NFIA: variants seen among roughly 807,000 people sequenced by gnomAD.
NFIA encodes nuclear factor 1 A-type.
In NFIA, 8 loss-of-function variants were observed where a neutral mutation model predicts 62.8. The ratio of observed to expected loss-of-function variants is 0.13; its 90% CI spans 0.07 to 0.23. The LOEUF (loss-of-function observed/expected upper bound fraction) is 0.23. NFIA is among the 10% of genes least tolerant of loss of function. The probability of loss-of-function intolerance (pLI) is 1.00; values close to 1 mark genes in which losing one functional copy is unlikely to be tolerated. For missense variants in NFIA, 410 were observed against 642.1 expected (o/e 0.64, Z 3.91); for synonymous variants, 235 against 238.1 (o/e 0.99, Z 0.12).
At chr1:61,187,830 C>T (rs528950900) in intron 2 of NFIA, among the ~76,000 whole-genome samples, 2 of 152,308 alleles carry the variant, frequency 1.3e-5, no homozygotes, top group South Asian at 2.1e-4. Flanking sequence ...ATCACAGCCC[C>T]ATCTCCATTT....
Position 61,396,611 on chromosome 1 carries a change from C to T in NFIA, c.1076-7493C>T, listed in dbSNP as rs1003153255. ...ATAAGCAAACTCCCAATAACTAACACGATGGGACTTTCAAGGGAAATGATA... is the reference window on the plus strand; with the variant it reads ...ATAAGCAAACTCCCAATAACTAACATGATGGGACTTTCAAGGGAAATGATA... On this transcript the variant is annotated intron_variant, in intron 7 of 10. Transcript: ENST00000403491. 1.1e-4 allele frequency among the ~76,000 whole-genome samples: 16 copies of T among 152,124 alleles called. No individual in the cohort carries two copies. In the East Asian group the frequency reaches 2.3e-3, roughly 22 times the overall value.
chr1:61,432,173 T>C (rs999651478), intron 10 of NFIA, among the ~76,000 whole-genome samples: 1 of 151,880 alleles, frequency 6.6e-6, no homozygotes, highest in African/African-American at 2.4e-5. Flanking sequence ...GTCCTTGTCC[T>C]TGTCTAGCTT....
At chr1:61,082,467 G>A (rs1486282957), upstream of NFIA, 1 of 1,065,064 alleles carries the variant, frequency 9.4e-7, no homozygotes, top group East Asian at 8.5e-5. Flanking sequence ...GCGGGCACCC[G>A]GCCGGGCCGG....
At chr1:61,433,168 C>CT (rs1236210329) in intron 10 of NFIA, among the ~76,000 whole-genome samples, 1 of 152,208 alleles carries the variant, frequency 6.6e-6, no homozygotes, top group Non-Finnish European at 1.5e-5. Context: ...CCAGTGCTCC[C>CT]TGGCTCCAGT....
intron 3 of NFIA, among the ~76,000 whole-genome samples, chr1:61,294,332 TAA>T (rs954719421): frequency 6.6e-6 from 1 of 152,230 alleles, no homozygotes; most frequent in Non-Finnish European, 1.5e-5. Context: ...CACAGAAAAG[TAA>T]AGTTTCATGC....
At chr1:61,254,072 A>G (rs1292179967) in intron 2 of NFIA, among the ~76,000 whole-genome samples, 1 of 152,196 alleles carries the variant, frequency 6.6e-6, no homozygotes, top group Non-Finnish European at 1.5e-5. Flanking sequence ...GTAAGACTTC[A>G]TAAACATAAA....
At chr1:61,447,935 G>C (rs1569905748) in intron 10 of NFIA, among the ~76,000 whole-genome samples, 1 of 152,088 alleles carries the variant, frequency 6.6e-6, no homozygotes, top group Non-Finnish European at 1.5e-5. Context: ...AAGAGCTGTT[G>C]ATCAAGCATA....
chr1:61,412,825 T>C (rs1390155724), intron 9 of NFIA, among the ~76,000 whole-genome samples: 1 of 152,188 alleles, frequency 6.6e-6, no homozygotes, highest in Non-Finnish European at 1.5e-5. Flanking sequence ...GGGACAAAGC[T>C]TTCATTATGT....
upstream of NFIA, chr1:61,082,394 G>T (rs1192992442): frequency 1.8e-5 from 15 of 833,332 alleles, no homozygotes; most frequent in Non-Finnish European, 2.2e-5. Flanking sequence ...GCGGCGGCGC[G>T]AGCGGGCGGC....
At chr1:61,187,994 T>C (rs2100571169) in intron 2 of NFIA, among the ~76,000 whole-genome samples, 1 of 152,224 alleles carries the variant, frequency 6.6e-6, no homozygotes, top group Admixed American at 6.5e-5. Context: ...ATGTTGGGCC[T>C]GGTTTAGCCA....
chr1:61,209,416 A>T (rs1653100897), intron 2 of NFIA, among the ~76,000 whole-genome samples: 1 of 152,160 alleles, frequency 6.6e-6, no homozygotes, highest in African/African-American at 2.4e-5. Flanking sequence ...TTTTCCATAT[A>T]ATCTCTGTGA....
At chr1:61,316,121 C>T (rs1005375542) in intron 3 of NFIA, among the ~76,000 whole-genome samples, 3 of 152,174 alleles carry the variant, frequency 2.0e-5, no homozygotes, top group African/African-American at 7.2e-5. Flanking sequence ...TTATAGACCA[C>T]ATGTCTGAGA....
intron 2 of NFIA, among the ~76,000 whole-genome samples, chr1:61,275,658 T>C (rs749261258): frequency 6.6e-6 from 1 of 152,176 alleles, no homozygotes; most frequent in South Asian, 2.1e-4. Context: ...AATTTTAATT[T>C]TCCCTAAAAC....
chr1:61,112,106 T>G, intron 2 of NFIA, among the ~76,000 whole-genome samples: 1 of 129,958 alleles, frequency 7.7e-6, no homozygotes, highest in East Asian at 2.3e-4. Context: ...CTTAATCCTA[T>G]TTGTCCAAAA....
At chr1:61,345,021 A>G (rs766489) in intron 4 of NFIA, among the ~76,000 whole-genome samples, 15,858 of 152,218 alleles carry the variant, frequency 0.1, 1,046 homozygotes, top group Non-Finnish European at 0.14. Context: ...CTACATTACT[A>G]TAATGATTCC....
chr1:61,278,802 C>T (rs377662969), intron 3 of NFIA, among the ~76,000 whole-genome samples: 14 of 151,710 alleles, frequency 9.2e-5, no homozygotes, highest in African/African-American at 3.4e-4. Flanking sequence ...GGAGGCGGGG[C>T]GGCGGAAGCT....
chr1:61,215,306 A>G (rs893588281), intron 2 of NFIA, among the ~76,000 whole-genome samples: 3 of 152,210 alleles, frequency 2.0e-5, no homozygotes, highest in Non-Finnish European at 4.4e-5. Flanking sequence ...TAGTGGGACC[A>G]TGTCCATGCA....
rs758686481 is a variant in NFIA at position 61,383,256 on chromosome 1, A to G, written c.966A>G (p.Thr322=). 1.2e-6 allele frequency: 2 copies of G among 1,613,872 alleles called. No individual in the cohort carries two copies. Among genetic ancestry groups the G allele is most frequent in the East Asian group, 2.2e-5 (1 of 44,894 alleles). Residue 322 remains threonine (T), a synonymous_variant, in exon 7 of 11, where the codon ACA becomes ACG. Transcript: ENST00000403491. ...TGCCAGGAATGCCATCTCCAACCAC[A>G]CTGAAGAAGTCGGAGAAGTCTGGTT... ...EVEPGMPSPT[T]LKKSEKSGFS... is the part of the protein sequence containing the mutation.
At position 61,082,803 on chromosome 1, in the gene NFIA, G is replaced by A. The variant is rs1336600638; in HGVS notation, c.12G>A (p.Pro4=). The A allele has an allele frequency of 6.4e-7, 1 of 1,550,628 alleles. No homozygotes were observed. Among genetic ancestry groups the A allele is most frequent in the South Asian group, 1.2e-5 (1 of 84,042 alleles). The change falls in exon 1 of 11, where the codon CCG becomes CCA. Residue 4 remains proline (P), a synonymous_variant. Coordinates refer to ENST00000403491, the MANE Select transcript of NFIA (RefSeq NM_001134673.4). The part of the protein sequence containing the change: MYS[P]LCLTQDEFHP... ...AGCGCCCGGCAGTTATGTATTCTCC[G>A]CTCTGTCTCACCCAGGTAAGCCGCG...
Sources: allele counts gnomAD v4.1 joint callset (sites outside exome capture counted in the v4.1 genomes callset), GRCh38; gene constraint gnomAD v4.1.1; transcripts MANE v1.5; gene names NCBI Gene and HGNC (gene_info 2026-07-23, HGNC 2026-07-21).